UNC5D: variants seen among roughly 807,000 people sequenced by gnomAD.
The protein encoded by UNC5D is netrin receptor UNC5D.
In UNC5D, 39 loss-of-function variants were observed where a neutral mutation model predicts 105.4. The observed-to-expected ratio is 0.37, with a 90% CI of 0.29 to 0.48. The LOEUF is 0.48. Ranked by LOEUF, UNC5D falls within the 20% of genes least tolerant of loss-of-function variation. The pLI is 0.98. For missense variants in UNC5D, 991 were observed against 1,202.4 expected (o/e 0.82, Z 2.60); for synonymous variants, 452 against 450.4 (o/e 1.00, Z -0.04).
intron 7 of UNC5D, among the ~76,000 whole-genome samples, chr8:35,698,747 T>G (rs1586467924): frequency 6.6e-6 from 1 of 152,318 alleles, no homozygotes. Flanking sequence ...TTTCAATATA[T>G]TAATTTCATT....
intron 2 of UNC5D, among the ~76,000 whole-genome samples, chr8:35,567,614 C>G (rs1817440971): frequency 6.6e-6 from 1 of 152,194 alleles, no homozygotes; most frequent in Non-Finnish European, 1.5e-5. Flanking sequence ...GATTTTCAGC[C>G]TGGTCACCCC....
rs1171088081 is a variant in UNC5D, at chr8:35,511,575, G to C, written c.104-37717G>C. Among the ~76,000 whole-genome samples the C allele has an allele frequency of 2.0e-5, 3 of 151,806 alleles. No homozygotes were observed. The East Asian group carries it at 5.8e-4, about 29-fold the overall frequency. ...TTAAATAGAAGAAAACAAAGGTCGA[G>C]AGGAGTTAAGTAAATTGATGAAGGC... On this transcript the variant is annotated intron_variant, in intron 1 of 16. Transcript: ENST00000404895.
At chr8:35,401,507 G>T (rs1455963327) in intron 1 of UNC5D, among the ~76,000 whole-genome samples, 2 of 152,106 alleles carry the variant, frequency 1.3e-5, no homozygotes, top group Non-Finnish European at 2.9e-5. Context: ...AGCTGGGAGA[G>T]AAATACTTGA....
intron 8 of UNC5D, among the ~76,000 whole-genome samples, chr8:35,708,251 A>T (rs556762192): frequency 6.6e-6 from 1 of 152,350 alleles, no homozygotes; most frequent in African/African-American, 2.4e-5. Context: ...AGGTGTAAAA[A>T]GAAAGTGAAG....
chr8:35,620,001 C>T (rs182556265), intron 4 of UNC5D, among the ~76,000 whole-genome samples: 172 of 152,266 alleles, frequency 1.1e-3, no homozygotes, highest in Middle Eastern at 6.8e-3. Flanking sequence ...TCAGCTCATT[C>T]GCTCAGCACA....
intron 11 of UNC5D, among the ~76,000 whole-genome samples, chr8:35,735,831 T>A (rs1563719484): frequency 6.6e-6 from 1 of 152,130 alleles, no homozygotes; most frequent in Non-Finnish European, 1.5e-5. Context: ...TCCTCATATA[T>A]CATGCAGACC....
At chr8:35,754,663 A>G (rs2131660602) in intron 13 of UNC5D, among the ~76,000 whole-genome samples, 1 of 152,298 alleles carries the variant, frequency 6.6e-6, no homozygotes, top group Middle Eastern at 3.4e-3. Flanking sequence ...ATTCCTTGAG[A>G]GAATTTCAGT....
intron 4 of UNC5D, among the ~76,000 whole-genome samples, chr8:35,626,061 T>C (rs1294387976): frequency 6.6e-6 from 1 of 152,186 alleles, no homozygotes. Context: ...GGGGTCTTTT[T>C]TCCCTCTTGA....
intron 4 of UNC5D, among the ~76,000 whole-genome samples, chr8:35,633,203 A>T (rs1822150104): frequency 6.6e-6 from 1 of 152,206 alleles, no homozygotes; most frequent in Non-Finnish European, 1.5e-5. Context: ...CTTCTTGCGT[A>T]AAAGGTTGGT....
At chr8:35,324,896 G>T (rs1810032805) in intron 1 of UNC5D, among the ~76,000 whole-genome samples, 1 of 152,104 alleles carries the variant, frequency 6.6e-6, no homozygotes, top group South Asian at 2.1e-4. Flanking sequence ...CCTTTTTCTG[G>T]CATTGACATG....
At chr8:35,646,136 C>A (rs1823033653) in intron 4 of UNC5D, among the ~76,000 whole-genome samples, 1 of 152,124 alleles carries the variant, frequency 6.6e-6, no homozygotes, top group South Asian at 2.1e-4. Flanking sequence ...GTAGATTTAA[C>A]ACTTTCTGAG....
At chr8:35,722,624 G>A (rs1828643450) in intron 9 of UNC5D, among the ~76,000 whole-genome samples, 1 of 152,220 alleles carries the variant, frequency 6.6e-6, no homozygotes, top group East Asian at 1.9e-4. Context: ...CATTTTCAAT[G>A]AGGCATTTCC....
At chr8:35,770,670 G>A (rs914317741) in intron 15 of UNC5D, among the ~76,000 whole-genome samples, 1 of 152,170 alleles carries the variant, frequency 6.6e-6, no homozygotes, top group Admixed American at 6.5e-5. Flanking sequence ...GAGAAAGGAA[G>A]AATTCCCAAG....
At chr8:35,600,298 A>G (rs1375598037) in intron 4 of UNC5D, among the ~76,000 whole-genome samples, 1 of 152,230 alleles carries the variant, frequency 6.6e-6, no homozygotes, top group African/African-American at 2.4e-5. Context: ...AATGATTTAT[A>G]ATCCTTTGGG....
intron 4 of UNC5D, among the ~76,000 whole-genome samples, chr8:35,613,553 T>C (rs1207508685): frequency 1.3e-5 from 2 of 152,250 alleles, no homozygotes; most frequent in African/African-American, 4.8e-5. Context: ...GAGCAGAGTT[T>C]GTTGTTTGCA....
chr8:35,359,901 G>A (rs1257298273), intron 1 of UNC5D, among the ~76,000 whole-genome samples: 9 of 152,164 alleles, frequency 5.9e-5, no homozygotes, highest in Non-Finnish European at 8.8e-5. Flanking sequence ...GAACTTTAAT[G>A]CAGTGAGCCA....
intron 1 of UNC5D, among the ~76,000 whole-genome samples, chr8:35,537,894 A>G (rs995157364): frequency 2.6e-5 from 4 of 152,004 alleles, no homozygotes; most frequent in Non-Finnish European, 4.4e-5. Flanking sequence ...TAAAAAATTT[A>G]TTCAACAAAC....
At chr8:35,299,168 A>G (rs1330540102) in intron 1 of UNC5D, among the ~76,000 whole-genome samples, 1 of 152,154 alleles carries the variant, frequency 6.6e-6, no homozygotes, top group Admixed American at 6.5e-5. Flanking sequence ...TTGACATTTG[A>G]GCTTGAAGGA....
intron 4 of UNC5D, among the ~76,000 whole-genome samples, chr8:35,629,808 T>A (rs905198963): frequency 6.6e-6 from 1 of 152,202 alleles, no homozygotes; most frequent in Non-Finnish European, 1.5e-5. Flanking sequence ...TATAATGTAT[T>A]GTCTGTTTTT....
Sources: gnomAD v4.1 joint callset for allele counts (sites outside exome capture counted in the v4.1 genomes callset) on GRCh38, gnomAD v4.1.1 for gene constraint, MANE v1.5 for transcripts, NCBI Gene and HGNC (gene_info 2026-07-23, HGNC 2026-07-21) for gene names.